The following NUDC variants were observed in gnomAD, a reference collection of about 807,000 sequenced individuals.
NUDC encodes nuclear migration protein nudC.
Under a neutral mutation model 45.0 loss-of-function variants are expected in NUDC, and 14 were observed. The observed-to-expected ratio is 0.31, with a 90% CI of 0.21 to 0.49. The LOEUF (loss-of-function observed/expected upper bound fraction) is 0.49. Among genes scored for constraint, NUDC ranks in the 20% least tolerant of loss-of-function variants. The pLI is 0.99. For synonymous variants in NUDC, 153 were observed against 156.7 expected, an observed-to-expected ratio of 0.98 and a Z score of 0.17; for missense variants, 323 against 426.2, an observed-to-expected ratio of 0.76 and a Z score of 2.13.
chr1:26,919,785 G>A (rs1034974909), upstream of NUDC, among the ~76,000 whole-genome samples: 3 of 152,106 alleles, frequency 2.0e-5, no homozygotes, highest in East Asian at 5.8e-4. Context: ...CTGATTCAAG[G>A]GAAAGTGAGA....
chr1:26,930,965 G>A (rs372909392), intron 2 of NUDC, among the ~76,000 whole-genome samples: 1 of 151,914 alleles, frequency 6.6e-6, no homozygotes, highest in Non-Finnish European at 1.5e-5. Flanking sequence ...GCAGTGAGCC[G>A]AGATCATGCC....
chr1:26,922,139 G>A (rs1217176972), intron 1 of NUDC: 1 of 598,780 alleles, frequency 1.7e-6, no homozygotes, highest in Non-Finnish European at 3.0e-6. Context: ...CCCCTCAGTA[G>A]TAGCAAATTA....
At chr1:26,938,144 C>T (rs984714126) in intron 2 of NUDC, among the ~76,000 whole-genome samples, 11 of 152,106 alleles carry the variant, frequency 7.2e-5, no homozygotes, top group South Asian at 4.2e-4. Flanking sequence ...GTCCAGTGAC[C>T]GAAGCTTGAG....
At chr1:26,929,943 G>A (rs2082166905) in intron 2 of NUDC, among the ~76,000 whole-genome samples, 1 of 152,104 alleles carries the variant, frequency 6.6e-6, no homozygotes, top group South Asian at 2.1e-4. Context: ...AGAATCACTT[G>A]AACCCAGGAG....
At chr1:26,911,642 C>T (rs1416616339) in intron 3 of NUDC, 4 of 624,778 alleles carry the variant, frequency 6.4e-6, no homozygotes, top group Non-Finnish European at 8.6e-6. Context: ...CCACCAAAAG[C>T]CTCCCAGGCA....
At position 26,921,827 on chromosome 1, in the gene NUDC, G is replaced by A. The variant is rs369215991; in HGVS notation, c.-22G>A. The A allele has an allele frequency of 2.5e-4, 391 of 1,549,320 alleles. 3 individuals are homozygous for A. The African/African-American group carries it at 3.4e-3, about 13-fold the overall frequency. ...GCGGGACTAGAGTGCAGAGCTCCGGGACGTGGATCGGAGCCGGCGCGATGG... is the reference window on the plus strand; with the variant it reads ...GCGGGACTAGAGTGCAGAGCTCCGGAACGTGGATCGGAGCCGGCGCGATGG... On this transcript the variant is annotated 5_prime_UTR_variant, in exon 1 of 9. Transcript: ENST00000321265.
chr1:26,921,874 G>A lies in NUDC; in HGVS notation c.26G>A (p.Arg9Gln), dbSNP rs1004592470. 1.9e-6 allele frequency: 3 copies of A among 1,555,038 alleles called. No homozygotes were observed. The highest frequency in any genetic ancestry group is 2.4e-5 in the South Asian group (2 of 84,306). The change falls in exon 1 of 9, where the codon CGG (arginine) becomes CAG (glutamine). Residue 9 changes from arginine (R) to glutamine (Q), a missense_variant. Arg to Gln is a conservative substitution (Grantham distance 43). Transcript: ENST00000321265. The part of the protein sequence containing the change: MGGEQEEE[R>Q]FDGMLLAMAQ... ...ATGGGCGGAGAGCAGGAGGAGGAGC[G>A]GTTCGACGGCATGTTGCTGGCCATG...
intron 2 of NUDC, among the ~76,000 whole-genome samples, chr1:26,938,646 G>A (rs1273066745): frequency 6.6e-6 from 1 of 152,210 alleles, no homozygotes; most frequent in Non-Finnish European, 1.5e-5. Context: ...GGCGTCAAAT[G>A]GGTGAGAATC....
rs369837616 is a variant in NUDC, at chr1:26,908,461, A to G, written c.-15-2667A>G. Among the ~76,000 whole-genome samples, 5 of 152,332 alleles carry G rather than the reference A, an allele frequency of 3.3e-5. No individual in the cohort carries two copies. In the South Asian group the frequency reaches 1.0e-3, roughly 32 times the overall value. ...GCAAGGAAATAGGGCACGGGGAATG[A>G]CTCAAGAAACGCAGACAAGAAACAG... On this transcript the variant is annotated intron_variant, in intron 2 of 6. Transcript: ENST00000435827.
At chr1:26,900,461 C>T in intron 1 of NUDC, 1 of 1,590,568 alleles carries the variant, frequency 6.3e-7, no homozygotes, top group Non-Finnish European at 8.6e-7. Context: ...GTCACATGAT[C>T]AGCTAGAACC....
intron 2 of NUDC, among the ~76,000 whole-genome samples, chr1:26,907,404 G>A (rs2082007143): frequency 1.3e-5 from 2 of 152,190 alleles, no homozygotes; most frequent in African/African-American, 4.8e-5. Flanking sequence ...ATGAGAGTAA[G>A]AAATGTATCT....
At chr1:26,945,975 C>T (rs2082314698) in intron 8 of NUDC, among the ~76,000 whole-genome samples, 155 bp from the exon 9 acceptor site, 1 of 152,160 alleles carries the variant, frequency 6.6e-6, no homozygotes, top group Non-Finnish European at 1.5e-5. Context: ...CCTCGGGACT[C>T]AAATGCGTCT....
chr1:26,939,778 G>T (rs907302524), intron 2 of NUDC, among the ~76,000 whole-genome samples: 18 of 152,322 alleles, frequency 1.2e-4, no homozygotes, highest in African/African-American at 4.3e-4. Flanking sequence ...TGATCCAGTA[G>T]ATCTGGAGTG....
chr1:26,900,381 G>T lies in NUDC; in HGVS notation c.-120G>T, dbSNP rs148620476. On this transcript the variant is annotated 5_prime_UTR_variant, in exon 1 of 7. Coordinates refer to the NUDC transcript ENST00000435827. ...TAAATGGGCCGAGCGCAACACGGAG[G>T]GGATACCGCTCACTACCAGGTAAAC... The T allele has an allele frequency of 1.7e-5, 27 of 1,613,828 alleles. No homozygotes were observed. The highest frequency in any genetic ancestry group is 1.3e-4 in the Admixed American group (8 of 60,000).
At chr1:26,941,002 A>C (rs1570743831) in intron 2 of NUDC, among the ~76,000 whole-genome samples, 1 of 148,338 alleles carries the variant, frequency 6.7e-6, no homozygotes, top group African/African-American at 2.5e-5. Flanking sequence ...GCTCACTGCA[A>C]CCTCTGCCTC....
rs2082092103 is a variant in NUDC at position 26,921,749 on chromosome 1, G to A, written c.-100G>A. 6.2e-6 allele frequency: 8 copies of A among 1,296,526 alleles called. No homozygotes were observed. Among genetic ancestry groups the A allele is most frequent in the South Asian group, 2.5e-5 (2 of 78,782 alleles). The allele number at this position is 1,296,526 out of a possible 1,614,324, so 80.3% of individuals were successfully genotyped here. On this transcript the variant is annotated 5_prime_UTR_variant, in exon 1 of 9. Transcript: ENST00000321265. ...GCGTGTTTCCGGCTCCGCTGCGGAA[G>A]GCGGACGACTAGAGTCGTTGGGCCC...
intron 6 of NUDC, chr1:26,944,998 T>A (rs1009418532): frequency 1.2e-5 from 3 of 258,292 alleles, no homozygotes; most frequent in African/African-American, 6.6e-5. Flanking sequence ...GCCGAGATGG[T>A]GCCACAGCAC....
At chr1:26,906,501 T>C (rs2082003643) in intron 2 of NUDC, among the ~76,000 whole-genome samples, 1 of 151,574 alleles carries the variant, frequency 6.6e-6, no homozygotes, top group African/African-American at 2.4e-5. Context: ...CAGCACAGAG[T>C]TGTGAGAGTG....
At position 26,934,952 on chromosome 1, in the gene NUDC, C is replaced by T. The variant is rs371936156; in HGVS notation, c.160-6505C>T. On this transcript the variant is annotated intron_variant, in intron 2 of 8. Coordinates refer to ENST00000321265, the MANE Select transcript of NUDC (RefSeq NM_006600.4). ...GATTACAGGCGTGAACCACCGCGCC[C>T]GGCCAGGACAGGTTTTTTTGTTTTT... Among the ~76,000 whole-genome samples the T allele has an allele frequency of 3.3e-4, 50 of 151,460 alleles. No individual in the cohort carries two copies. The East Asian group carries it at 6.8e-3, about 21-fold the overall frequency.
Sources: gnomAD v4.1 joint callset for allele counts (sites outside exome capture counted in the v4.1 genomes callset) on GRCh38, gnomAD v4.1.1 for gene constraint, MANE v1.5 for transcripts, NCBI Gene and HGNC (gene_info 2026-07-23, HGNC 2026-07-21) for gene names.